The following ARNT2 variants were observed in gnomAD, a reference collection of about 807,000 sequenced individuals.
ARNT2 encodes the protein aryl hydrocarbon receptor nuclear translocator 2.
Under a neutral mutation model 91.7 loss-of-function variants are expected in ARNT2, and 36 were observed. The observed-to-expected ratio is 0.39, with a 90% confidence interval of 0.30 to 0.52. ARNT2 has a LOEUF of 0.52. Ranked by LOEUF, ARNT2 falls within the 20% of genes least tolerant of loss-of-function variation. The probability of loss-of-function intolerance (pLI) is 0.72; values close to 1 mark genes in which losing one functional copy is unlikely to be tolerated. For missense variants in ARNT2, 775 were observed against 939.3 expected (o/e 0.83, Z 2.29); for synonymous variants, 365 against 347.1 (o/e 1.05, Z -0.57).
chr15:80,474,739 C>G (rs1439692711), intron 4 of ARNT2, among the ~76,000 whole-genome samples: 1 of 152,122 alleles, frequency 6.6e-6, no homozygotes, highest in Non-Finnish European at 1.5e-5. Flanking sequence ...CATTGCTCTC[C>G]CATCCCCCTA....
At chr15:80,461,445 C>T (rs1050164470) in intron 3 of ARNT2, among the ~76,000 whole-genome samples, 2 of 152,052 alleles carry the variant, frequency 1.3e-5, no homozygotes, top group Non-Finnish European at 2.9e-5. Flanking sequence ...AGGCCGGGGA[C>T]GGGAAGTAGC....
chr15:80,568,220 C>A (rs1281836557), intron 12 of ARNT2, among the ~76,000 whole-genome samples: 1 of 152,218 alleles, frequency 6.6e-6, no homozygotes, highest in Non-Finnish European at 1.5e-5. Flanking sequence ...TGCCTTGGCA[C>A]TGGGGGGCCA....
At chr15:80,506,093 C>A (rs558773689) in intron 5 of ARNT2, among the ~76,000 whole-genome samples, 1 of 151,884 alleles carries the variant, frequency 6.6e-6, no homozygotes, top group African/African-American at 2.4e-5. Flanking sequence ...CCCGCCACCG[C>A]GCCTGGCTAA....
chr15:80,542,046 G>A (rs1897915941), intron 8 of ARNT2, among the ~76,000 whole-genome samples: 2 of 152,200 alleles, frequency 1.3e-5, no homozygotes, highest in South Asian at 4.1e-4. Flanking sequence ...CCACAGGGAA[G>A]CTGAGCCCAG....
intron 6 of ARNT2, among the ~76,000 whole-genome samples, chr15:80,512,198 A>G (rs1005669196): frequency 6.6e-6 from 1 of 152,252 alleles, no homozygotes; most frequent in Admixed American, 6.5e-5. Context: ...GGTCTCCCTC[A>G]GATCACCAAG....
chr15:80,468,006 TATG>T (rs1398537356), intron 3 of ARNT2, among the ~76,000 whole-genome samples: 1 of 152,102 alleles, frequency 6.6e-6, no homozygotes, highest in East Asian at 1.9e-4. Context: ...TTTCTTTCAT[TATG>T]ATTGCCCCGC....
At position 80,551,201 on chromosome 15, in the gene ARNT2, A is replaced by C; in HGVS notation, c.880A>C (p.Met294Leu). Residue 294 changes from methionine to leucine, a missense_variant and splice_region_variant, in exon 9 of 19, where the codon ATG becomes CTG. Coordinates refer to ENST00000303329, the MANE Select transcript of ARNT2 (RefSeq NM_014862.4). ...GYIKAWPPAG[M>L]TIPEEDADVG... Reference sequence around the variant, plus strand: ...GACACAGGTATTTCCCATTTCAGGAATGACCATACCTGAAGAAGACGCTGA... The same window carrying C: ...GACACAGGTATTTCCCATTTCAGGACTGACCATACCTGAAGAAGACGCTGA... The C allele has an allele frequency of 6.2e-7, 1 of 1,613,730 alleles. No individual in the cohort carries two copies. Among genetic ancestry groups the C allele is most frequent in the Non-Finnish European group, 8.5e-7 (1 of 1,179,656 alleles).
At chr15:80,581,810 A>G (rs2141481593) in intron 17 of ARNT2, among the ~76,000 whole-genome samples, 1 of 152,340 alleles carries the variant, frequency 6.6e-6, no homozygotes, top group South Asian at 2.1e-4. Flanking sequence ...GTCTCTTTTA[A>G]ATATTAAAAA....
At chr15:80,578,242 A>T (rs1240386167) in intron 15 of ARNT2, among the ~76,000 whole-genome samples, 1 of 152,156 alleles carries the variant, frequency 6.6e-6, no homozygotes, top group Admixed American at 6.5e-5. Context: ...CCAAGGTGGC[A>T]TGACCGGAGA....
In ARNT2 at chr15:80,404,653, C is replaced by T; in HGVS notation, c.31+107C>T. 2.7e-6 allele frequency: 2 copies of T among 737,624 alleles called. No individual in the cohort carries two copies. Among genetic ancestry groups the T allele is most frequent in the Non-Finnish European group, 3.3e-6 (2 of 600,008 alleles). The allele number at this position is 737,624 out of a possible 1,614,324, so 45.7% of individuals were successfully genotyped here. ...CCCCCGGGGGCGCGGAGCCGCAGCT[C>T]GGCGCGGTGGGTGGTGGAGCGGCTG... is the stretch of plus-strand genomic sequence containing the variant. On this transcript the variant is annotated intron_variant, in intron 1 of 18. Transcript: ENST00000303329. The surrounding 1 kb of genome is among the most constrained non-coding windows in gnomAD (Gnocchi z 5.5).
intron 1 of ARNT2, among the ~76,000 whole-genome samples, chr15:80,436,636 G>A (rs1896091385): frequency 6.6e-6 from 1 of 152,162 alleles, no homozygotes. Context: ...GTGGGCCCTG[G>A]CACCAGGAAG....
intron 2 of ARNT2, among the ~76,000 whole-genome samples, chr15:80,452,050 G>A (rs1351941321): frequency 6.6e-6 from 1 of 152,214 alleles, no homozygotes; most frequent in East Asian, 1.9e-4. Flanking sequence ...ATTCTTAAAG[G>A]GGGCATAAGT....
At position 80,488,226 on chromosome 15, in the gene ARNT2, G is replaced by A. The variant is rs151034405; in HGVS notation, c.622+13003G>A. ...TCTGTCCTGGATAAAGAGGGAGTAG[G>A]CGGTGAAAGTTCTCTTCAGTGGTTC... On this transcript the variant is annotated intron_variant, in intron 5 of 18. Transcript: ENST00000303329. Among the ~76,000 whole-genome samples the A allele has an allele frequency of 1.2e-4, 19 of 152,288 alleles. No homozygotes were observed. In the East Asian group the frequency reaches 3.7e-3, roughly 29 times the overall value.
chr15:80,464,362 A>G (rs1212274148), intron 3 of ARNT2, among the ~76,000 whole-genome samples: 1 of 151,938 alleles, frequency 6.6e-6, no homozygotes, highest in Non-Finnish European at 1.5e-5. Flanking sequence ...CAGTGCTGAG[A>G]GAGTGCTTGG....
chr15:80,511,751 A>C (rs993074919), intron 6 of ARNT2, among the ~76,000 whole-genome samples: 2 of 152,128 alleles, frequency 1.3e-5, no homozygotes, highest in Non-Finnish European at 2.9e-5. Flanking sequence ...TTCCTGCCTC[A>C]GGGGGTTGGG....
chr15:80,468,458 C>T (rs898086296), intron 3 of ARNT2, among the ~76,000 whole-genome samples: 6 of 152,146 alleles, frequency 3.9e-5, no homozygotes, highest in Non-Finnish European at 5.9e-5. Context: ...TCTACCCTTC[C>T]GTCTAGGCCT....
chr15:80,511,532 A>AG (rs2141426481), intron 6 of ARNT2, among the ~76,000 whole-genome samples: 1 of 152,198 alleles, frequency 6.6e-6, no homozygotes, highest in East Asian at 1.9e-4. Flanking sequence ...AAAAAAAAAA[A>AG]GATGCCCACA....
rs531498620 is a variant in ARNT2, at chr15:80,541,610, A to G, written c.878-9589A>G. ...CCTAGGATTTTCTTCTAGGTCTTAC[A>G]TTTAAATCTTTAATCCGTCTTGACC... On this transcript the variant is annotated intron_variant, in intron 8 of 18. Transcript: ENST00000303329. Among the ~76,000 whole-genome samples, 70 of 152,322 alleles carry G rather than the reference A, an allele frequency of 4.6e-4. 1 individual carries two copies. The South Asian group carries it at 8.5e-3, about 18-fold the overall frequency.
At chr15:80,416,238 T>C (rs1895783459) in intron 1 of ARNT2, among the ~76,000 whole-genome samples, 1 of 152,194 alleles carries the variant, frequency 6.6e-6, no homozygotes, top group Non-Finnish European at 1.5e-5. Context: ...ACTTGTATAC[T>C]TGTCCCCCAG....
Sources: gnomAD v4.1 joint callset for allele counts (sites outside exome capture counted in the v4.1 genomes callset) on GRCh38, gnomAD v4.1.1 for gene constraint, Gnocchi (gnomAD v3.1) non-coding constraint, MANE v1.5 for transcripts, NCBI Gene and HGNC (gene_info 2026-07-23, HGNC 2026-07-21) for gene names.